GADL1: variants seen among roughly 807,000 people sequenced by gnomAD.
The protein encoded by GADL1 is acidic amino acid decarboxylase GADL1.
GADL1 carries 71 observed loss-of-function variants against 69.5 expected under a neutral mutation model. The ratio of observed to expected loss-of-function variants is 1.02; its 90% CI spans 0.84 to 1.25. GADL1 has a LOEUF of 1.25. Among genes scored for constraint, GADL1 ranks in the 50% most tolerant of loss-of-function variants. The pLI, the probability that GADL1 is intolerant of heterozygous loss-of-function variation, is 0.00. For synonymous variants in GADL1, 254 were observed against 214.4 expected (o/e 1.18, Z -1.62); for missense variants, 737 against 631.8 (o/e 1.17, Z -1.79).
chr3:30,856,484 C>T (rs555860177), intron 3 of GADL1, among the ~76,000 whole-genome samples: 2 of 151,940 alleles, frequency 1.3e-5, no homozygotes, highest in Non-Finnish European at 2.9e-5. Flanking sequence ...GTCTTATATC[C>T]ATCTAAGGGC....
intron 14 of GADL1, among the ~76,000 whole-genome samples, chr3:30,751,388 T>C (rs760836321): frequency 6.6e-6 from 1 of 152,056 alleles, no homozygotes. Flanking sequence ...TCGCTCAGTC[T>C]GTGCTTTTTC....
At chr3:30,856,890 G>T (rs1300846986) in intron 3 of GADL1, 125 bp downstream of exon 3, 1 of 743,684 alleles carries the variant, frequency 1.3e-6, no homozygotes, top group Non-Finnish European at 2.1e-6. Flanking sequence ...AAAAACATCA[G>T]AACTACTAAT....
intron 14 of GADL1, among the ~76,000 whole-genome samples, chr3:30,767,062 A>T (rs1299756826): frequency 6.6e-6 from 1 of 152,058 alleles, no homozygotes; most frequent in African/African-American, 2.4e-5. Flanking sequence ...GCACTTTGGT[A>T]TAATGCTTAA....
At chr3:30,837,629 C>T (rs893317682) in intron 9 of GADL1, among the ~76,000 whole-genome samples, 1 of 152,074 alleles carries the variant, frequency 6.6e-6, no homozygotes, top group Admixed American at 6.6e-5. Flanking sequence ...TACTTTTCTC[C>T]ATTTTATACA....
At chr3:30,729,511 C>A (rs78015165) in intron 14 of GADL1, among the ~76,000 whole-genome samples, 1 of 152,142 alleles carries the variant, frequency 6.6e-6, no homozygotes, top group African/African-American at 2.4e-5. Flanking sequence ...GAACACCAGG[C>A]AGAGTGTGCT....
At chr3:30,734,732 A>T (rs559898769) in intron 14 of GADL1, among the ~76,000 whole-genome samples, 17 of 152,290 alleles carry the variant, frequency 1.1e-4, no homozygotes, top group African/African-American at 4.1e-4. Context: ...TGTATTTCCA[A>T]ATATGTCTGA....
chr3:30,816,729 A>G (rs1365673156), intron 11 of GADL1, among the ~76,000 whole-genome samples: 1 of 151,124 alleles, frequency 6.6e-6, no homozygotes, highest in African/African-American at 2.4e-5. Flanking sequence ...TGTTTTTGGT[A>G]GAGACAGGAT....
rs115457955 is a variant in GADL1, at chr3:30,765,994, C to A, written c.1392+12185G>T. On this transcript the variant is annotated intron_variant, in intron 14 of 14. Coordinates refer to ENST00000282538, the MANE Select transcript of GADL1 (RefSeq NM_207359.3). ...GTATATGAAAAGGGGTACTCATGCTCAGGTGCCAGGAAATAAGTCTTGGGA... is the reference window on the plus strand; with the variant it reads ...GTATATGAAAAGGGGTACTCATGCTAAGGTGCCAGGAAATAAGTCTTGGGA... Among the ~76,000 whole-genome samples, 285 of 152,288 alleles carry A rather than the reference C, an allele frequency of 1.9e-3. 1 individual carries two copies. Among genetic ancestry groups the A allele is most frequent in the Non-Finnish European group, 3.0e-3 (206 of 68,030 alleles).
rs140732445 is a variant in GADL1 at position 30,827,385 on chromosome 3, A to G, written c.1050+6468T>C. Among the ~76,000 whole-genome samples the G allele has an allele frequency of 2.8e-3, 424 of 151,378 alleles. 3 individuals are homozygous for G. The highest frequency in any genetic ancestry group is 9.9e-3 in the African/African-American group (410 of 41,476). On this transcript the variant is annotated intron_variant, in intron 11 of 14. Coordinates refer to ENST00000282538, the MANE Select transcript of GADL1 (RefSeq NM_207359.3). ...GATTGAGATCAGATAGTACAATCAC[A>G]ATTACATAACAAATCTCTTGGGGCC...
chr3:30,734,774 T>C (rs10510638), intron 14 of GADL1, among the ~76,000 whole-genome samples: 13,924 of 152,178 alleles, frequency 0.091, 1,759 homozygotes, highest in African/African-American at 0.28. Context: ...ATGAGACATC[T>C]TACATACCAG....
intron 12 of GADL1, 53 bp downstream of exon 12, chr3:30,800,835 AC>A (rs1342223964): frequency 1.6e-6 from 2 of 1,222,160 alleles, no homozygotes; most frequent in Admixed American, 1.8e-5. Flanking sequence ...ACACACACAC[AC>A]ACACACACAC....
chr3:30,752,909 T>TG (rs1442756007), intron 14 of GADL1, among the ~76,000 whole-genome samples: 1 of 152,104 alleles, frequency 6.6e-6, no homozygotes, highest in African/African-American at 2.4e-5. Flanking sequence ...GATGGCAAGC[T>TG]GGTAGGGCTT....
chr3:30,893,177 A>G (rs1162085259), intron 1 of GADL1, among the ~76,000 whole-genome samples: 1 of 152,214 alleles, frequency 6.6e-6, no homozygotes, highest in East Asian at 1.9e-4. Flanking sequence ...TTAAATAAGT[A>G]TGTGCTGACC....
intron 14 of GADL1, among the ~76,000 whole-genome samples, chr3:30,751,475 G>GAGAACCTGGGTAACT (rs1184183954): frequency 2.0e-5 from 3 of 150,214 alleles, no homozygotes; most frequent in Non-Finnish European, 4.4e-5. Flanking sequence ...TCAACATTCC[G>GAGAACCTGGGTAACT]AGAACCTGGG....
chr3:30,774,639 A>G (rs1400599491), intron 14 of GADL1, among the ~76,000 whole-genome samples: 2 of 152,138 alleles, frequency 1.3e-5, no homozygotes, highest in African/African-American at 4.8e-5. Context: ...ATATAATAAA[A>G]CTTTTCTTAT....
At chr3:30,860,726 C>G (rs1698307970) in intron 2 of GADL1, among the ~76,000 whole-genome samples, 1 of 151,894 alleles carries the variant, frequency 6.6e-6, no homozygotes, top group Admixed American at 6.6e-5. Context: ...GATAATCCAC[C>G]TCCAACATGA....
At chr3:30,839,308 A>C (rs143542900) in intron 8 of GADL1, among the ~76,000 whole-genome samples, 195 bp from the exon 9 acceptor site, 9 of 152,140 alleles carry the variant, frequency 5.9e-5, no homozygotes, top group Admixed American at 4.6e-4. Context: ...AGGAAACAGA[A>C]AATGCTATGG....
intron 14 of GADL1, among the ~76,000 whole-genome samples, chr3:30,762,115 T>C (rs1198538117): frequency 6.6e-6 from 1 of 152,108 alleles, no homozygotes; most frequent in African/African-American, 2.4e-5. Flanking sequence ...CCATGTTTTA[T>C]AGAGAAGGCA....
chr3:30,783,866 C>A (rs1441213837), intron 13 of GADL1, among the ~76,000 whole-genome samples: 1 of 152,108 alleles, frequency 6.6e-6, no homozygotes, highest in African/African-American at 2.4e-5. Context: ...TTTTTCTTTT[C>A]TAAGACTTTA....
Sources: allele counts gnomAD v4.1 joint callset (sites outside exome capture counted in the v4.1 genomes callset), GRCh38; gene constraint gnomAD v4.1.1; transcripts MANE v1.5; gene names NCBI Gene and HGNC (gene_info 2026-07-23, HGNC 2026-07-21).